EDEM2: variants seen among roughly 807,000 people sequenced by gnomAD.
The protein encoded by EDEM2 is ER degradation enhancing alpha-mannosidase like protein 2.
A neutral mutation model predicts 64.8 loss-of-function variants in EDEM2; 39 were observed. That is an observed-to-expected ratio of 0.60 (90% CI 0.47 to 0.79). The LOEUF (loss-of-function observed/expected upper bound fraction) is 0.79. Ranked by LOEUF, EDEM2 falls within the 30% of genes least tolerant of loss-of-function variation. The pLI is 0.00. For missense variants in EDEM2, 609 were observed against 731.3 expected, an observed-to-expected ratio of 0.83 and a Z score of 1.93; for synonymous variants, 296 against 291.5, an observed-to-expected ratio of 1.02 and a Z score of -0.16.
chr20:35,147,048 A>G (rs2085743801), intron 1 of EDEM2, 104 bp downstream of exon 1: 2 of 1,544,442 alleles, frequency 1.3e-6, no homozygotes, highest in Non-Finnish European at 1.8e-6. Context: ...CCTGGGACCT[A>G]GCGGCTGTGT....
At chr20:35,124,076 T>A (rs2085401397) in intron 8 of EDEM2, 42 bp from the exon 9 acceptor site, 2 of 1,594,656 alleles carry the variant, frequency 1.3e-6, no homozygotes, top group African/African-American at 2.7e-5. Context: ...ACACCAGGCA[T>A]AAAACCCCAC....
At chr20:35,116,984 G>C (rs2085316667) in intron 10 of EDEM2, among the ~76,000 whole-genome samples, 1 of 151,992 alleles carries the variant, frequency 6.6e-6, no homozygotes, top group African/African-American at 2.4e-5. Flanking sequence ...GTAGAGACAG[G>C]GTTTCACCAT....
rs188731358 is a variant in EDEM2, at chr20:35,143,041, C to T, written c.259-563G>A. Reference sequence around the variant, plus strand: ...AAAGTGCTGGGATTACAGGTGTGAGCGACCGCACCTGGCCAAAAGTCTTAG... The same window carrying T: ...AAAGTGCTGGGATTACAGGTGTGAGTGACCGCACCTGGCCAAAAGTCTTAG... On this transcript the variant is annotated intron_variant, in intron 3 of 10. Coordinates refer to ENST00000374492, the MANE Select transcript of EDEM2 (RefSeq NM_018217.3). Among the ~76,000 whole-genome samples, 137 of 152,244 alleles carry T rather than the reference C, an allele frequency of 9.0e-4. 1 individual carries two copies. In the East Asian group the frequency reaches 0.019, roughly 21 times the overall value.
At position 35,140,095 on chromosome 20, in the gene EDEM2, G is replaced by T. The variant is rs549226088; in HGVS notation, c.365-2090C>A. Among the ~76,000 whole-genome samples the T allele has an allele frequency of 3.3e-5, 5 of 152,096 alleles. No individual in the cohort carries two copies. In the East Asian group the frequency reaches 9.7e-4, roughly 29 times the overall value. Reference sequence around the variant, plus strand: ...GACATTTTCATATAAACAAAAGCTGGGAATGTTTATGAAGCACACACCTGC... The same window carrying T: ...GACATTTTCATATAAACAAAAGCTGTGAATGTTTATGAAGCACACACCTGC... On this transcript the variant is annotated intron_variant, in intron 4 of 10. Transcript: ENST00000374492.
At chr20:35,121,774 T>C (rs974462410) in intron 9 of EDEM2, among the ~76,000 whole-genome samples, 2 of 148,930 alleles carry the variant, frequency 1.3e-5, no homozygotes, top group African/African-American at 5.0e-5. Flanking sequence ...AACGCACTCC[T>C]GGATTCCTGA....
intron 4 of EDEM2, among the ~76,000 whole-genome samples, chr20:35,140,753 A>C (rs993073744): frequency 6.6e-6 from 1 of 152,134 alleles, no homozygotes; most frequent in African/African-American, 2.4e-5. Context: ...CCATATTAGT[A>C]AGAGGAAAAT....
intron 8 of EDEM2, among the ~76,000 whole-genome samples, chr20:35,125,871 T>G (rs6088728): frequency 6.6e-6 from 1 of 151,980 alleles, no homozygotes; most frequent in Non-Finnish European, 1.5e-5. Context: ...GACCATGTAA[T>G]GGAAAAACAA....
intron 2 of EDEM2, 40 bp downstream of exon 2, chr20:35,146,785 G>T: frequency 9.4e-6 from 15 of 1,602,676 alleles, no homozygotes; most frequent in Non-Finnish European, 1.1e-5. Context: ...GGCCCAGAGA[G>T]TCAGACCCTG....
At chr20:35,126,440 C>G in intron 7 of EDEM2, 65 bp from the exon 8 acceptor site, 1 of 1,584,414 alleles carries the variant, frequency 6.3e-7, no homozygotes, top group African/African-American at 1.3e-5. Flanking sequence ...CAGGCCTGGA[C>G]AGCGGAAGCG....
chr20:35,136,204 T>C (rs1801167478), intron 5 of EDEM2, among the ~76,000 whole-genome samples: 2 of 152,326 alleles, frequency 1.3e-5, no homozygotes, highest in South Asian at 4.1e-4. Flanking sequence ...AAAGTCAGGC[T>C]GTAATAAAAA....
At position 35,124,469 on chromosome 20, in the gene EDEM2, C is replaced by T. The variant is rs549602860; in HGVS notation, c.970-435G>A. On this transcript the variant is annotated intron_variant, in intron 8 of 10. Transcript: ENST00000374492. ...AGGCTGGAGTGCAGTGGCACAATCA[C>T]GGTTCATTACAGCCTTGACCTCCTG... 5.9e-4 allele frequency among the ~76,000 whole-genome samples: 90 copies of T among 152,248 alleles called. 1 individual carries two copies. Among genetic ancestry groups the T allele is most frequent in the African/African-American group, 1.7e-3 (72 of 41,546 alleles).
chr20:35,139,158 G>A (rs1449172518), intron 4 of EDEM2, among the ~76,000 whole-genome samples: 1 of 151,594 alleles, frequency 6.6e-6, no homozygotes, highest in East Asian at 2.0e-4. Flanking sequence ...AGACCATCCC[G>A]GCTAAAATGG....
intron 4 of EDEM2, among the ~76,000 whole-genome samples, chr20:35,139,211 G>T (rs568508887): frequency 2.6e-5 from 4 of 152,008 alleles, no homozygotes; most frequent in Non-Finnish European, 5.9e-5. Flanking sequence ...TTAGCTGGGC[G>T]TGGTGGCAAG....
chr20:35,140,382 G>C (rs1382970036), intron 4 of EDEM2, among the ~76,000 whole-genome samples: 4 of 152,148 alleles, frequency 2.6e-5, no homozygotes, highest in Non-Finnish European at 5.9e-5. Flanking sequence ...TACTCTGGAG[G>C]CTGAGGCAGG....
At chr20:35,128,936 C>T (rs2378334) in intron 7 of EDEM2, among the ~76,000 whole-genome samples, 116,173 of 148,644 alleles carry the variant, frequency 0.78, 45,978 homozygotes, top group Middle Eastern at 0.9. Flanking sequence ...TTTTAAAGTT[C>T]ATAAAGTAAA....
intron 7 of EDEM2, among the ~76,000 whole-genome samples, chr20:35,126,944 G>C (rs1180732038): frequency 6.6e-6 from 1 of 152,090 alleles, no homozygotes; most frequent in Non-Finnish European, 1.5e-5. Context: ...AATTGATGTG[G>C]TTTGGCTGTG....
At chr20:35,126,432 G>C in intron 7 of EDEM2, 57 bp from the exon 8 acceptor site, 2 of 1,598,596 alleles carry the variant, frequency 1.3e-6, no homozygotes, top group Non-Finnish European at 8.5e-7. Context: ...AAAAAAGGCA[G>C]GCCTGGACAG....
chr20:35,123,347 C>T (rs941829772), intron 9 of EDEM2, among the ~76,000 whole-genome samples: 1 of 152,156 alleles, frequency 6.6e-6, no homozygotes, highest in Non-Finnish European at 1.5e-5. Context: ...AATCCCAGCA[C>T]TTTGGGAGGC....
At chr20:35,141,867 A>G (rs1440973120) in intron 4 of EDEM2, among the ~76,000 whole-genome samples, 2 of 152,224 alleles carry the variant, frequency 1.3e-5, no homozygotes, top group African/African-American at 4.8e-5. Flanking sequence ...AATAATCACT[A>G]ACTACATGTG....
Sources: gnomAD v4.1 joint callset for allele counts (sites outside exome capture counted in the v4.1 genomes callset) on GRCh38, gnomAD v4.1.1 for gene constraint, MANE v1.5 for transcripts, NCBI Gene and HGNC (gene_info 2026-07-23, HGNC 2026-07-21) for gene names.